CHID1: variants seen among roughly 807,000 people sequenced by gnomAD.
The protein encoded by CHID1 is chitinase domain containing 1, also known as chitinase domain-containing protein 1.
Under a neutral mutation model 55.4 loss-of-function variants are expected in CHID1, and 44 were observed. The ratio of observed to expected loss-of-function variants is 0.79; its 90% CI spans 0.62 to 1.02. CHID1 has a LOEUF of 1.02. Among genes scored for constraint, CHID1 ranks in the 50% least tolerant of loss-of-function variants. The pLI is 0.00. For missense variants in CHID1, 491 were observed against 515.3 expected (o/e 0.95, Z 0.46); for synonymous variants, 216 against 212.9 (o/e 1.01, Z -0.13).
Position 904,786 on chromosome 11 carries a change from C to G in CHID1, c.31G>C (p.Ala11Pro). The G allele has an allele frequency of 6.2e-7, 1 of 1,614,042 alleles. No homozygotes were observed. The highest frequency in any genetic ancestry group is 8.5e-7 in the Non-Finnish European group (1 of 1,180,026). ...GTGTGAACAGGGCTGCAGGCCAGGGCAAGCCAGAGGAGGTTGAAGAGTGTC... is the reference window on the plus strand; with the variant it reads ...GTGTGAACAGGGCTGCAGGCCAGGGGAAGCCAGAGGAGGTTGAAGAGTGTC... The part of the protein sequence containing the change: MRTLFNLLWL[A>P]LACSPVHTTL... Residue 11 changes from alanine to proline, a missense_variant, in exon 2 of 13, where the codon GCC becomes CCC. Physicochemically the swap from Ala to Pro is conservative, Grantham distance 27. Coordinates refer to ENST00000323578, the MANE Select transcript of CHID1 (RefSeq NM_023947.4).
At position 902,903 on chromosome 11, in the gene CHID1, C is replaced by T; in HGVS notation, c.261+59G>A. 4 of 1,550,256 alleles carry T rather than the reference C, an allele frequency of 2.6e-6. No individual in the cohort carries two copies. The South Asian group carries it at 3.4e-5, about 13-fold the overall frequency. On this transcript the variant is annotated intron_variant, in intron 3 of 12. Coordinates refer to ENST00000323578, the MANE Select transcript of CHID1 (RefSeq NM_023947.4). ...CTGGCCAGAAGAGGCCATCACGGGG[C>T]CAGGGCAGCCCACCTGAGCCTCAGG...
chr11:886,771 C>T (rs1241319207), intron 8 of CHID1, among the ~76,000 whole-genome samples: 1 of 152,182 alleles, frequency 6.6e-6, no homozygotes. Flanking sequence ...CCACACAGAG[C>T]CCCCCAGCTC....
At chr11:879,706 C>T (rs1488403113) in intron 10 of CHID1, among the ~76,000 whole-genome samples, 1 of 152,210 alleles carries the variant, frequency 6.6e-6, no homozygotes, top group Non-Finnish European at 1.5e-5. Context: ...CGACTCAAGG[C>T]CAACACCTGT....
rs554028415 is a variant in CHID1 at position 906,985 on chromosome 11, G to A, written c.-43-2126C>T. Among the ~76,000 whole-genome samples, 24 of 152,282 alleles carry A rather than the reference G, an allele frequency of 1.6e-4. 1 individual carries two copies. In the East Asian group the frequency reaches 1.9e-3, roughly 12 times the overall value. On this transcript the variant is annotated intron_variant, in intron 1 of 12. Transcript: ENST00000323578. ...AGAGGTTGCGGTAAGCCGAGATCGC[G>A]CAATTGCACTCCAGCCTAGGCAACA...
At chr11:899,216 T>C in intron 7 of CHID1, 124 bp downstream of exon 7, 1 of 925,974 alleles carries the variant, frequency 1.1e-6, no homozygotes, top group Non-Finnish European at 1.7e-6. Context: ...TGCAGCCCCG[T>C]CCCCACCCCA....
Position 893,465 on chromosome 11 carries a change from C to T in CHID1, c.663G>A (p.Leu221=). Residue 221 remains leucine, a synonymous_variant, in exon 8 of 13, where the codon CTG becomes CTA. Coordinates refer to ENST00000323578, the MANE Select transcript of CHID1 (RefSeq NM_023947.4). ...HLAEALHQAR[L]LALLVIPPAI... Reference sequence around the variant, plus strand: ...CAGGCGGGATGACCAGGAGGGCCAGCAGCCGGGCCTGGTGCAGAGCCTCGG... The same window carrying T: ...CAGGCGGGATGACCAGGAGGGCCAGTAGCCGGGCCTGGTGCAGAGCCTCGG... The T allele has an allele frequency of 6.4e-7, 1 of 1,551,966 alleles. No homozygotes were observed. The highest frequency in any genetic ancestry group is 8.7e-7 in the Non-Finnish European group (1 of 1,147,392).
At position 869,871 on chromosome 11, in the gene CHID1, T is replaced by C. The variant is rs765793433; in HGVS notation, c.1169A>G (p.Tyr390Cys). ...WELGQGLDYF[Y>C]DLL ...CGCAATGCCCACCTAGAGCAGGTCG[T>C]AGAAGTAGTCCAGGCCCTGGCCCAG... is the stretch of plus-strand genomic sequence containing the variant. The change falls in exon 13 of 13, where the codon TAC becomes TGC. Residue 390 changes from tyrosine to cysteine, a missense_variant. Coordinates refer to ENST00000323578, the MANE Select transcript of CHID1 (RefSeq NM_023947.4). 1.9e-6 allele frequency: 3 copies of C among 1,612,850 alleles called. No homozygotes were observed. The highest frequency in any genetic ancestry group is 1.7e-6 in the Non-Finnish European group (2 of 1,179,852).
At chr11:886,071 A>C (rs930041740) in intron 8 of CHID1, among the ~76,000 whole-genome samples, 7 of 147,742 alleles carry the variant, frequency 4.7e-5, no homozygotes, top group Admixed American at 2.0e-4. Context: ...ATGGCGTGTG[A>C]AACCGGGAAG....
intron 7 of CHID1, among the ~76,000 whole-genome samples, chr11:895,610 G>A (rs1483122033): frequency 6.6e-6 from 1 of 152,152 alleles, no homozygotes; most frequent in African/African-American, 2.4e-5. Flanking sequence ...AGCTCAGGAG[G>A]GACCAGAGGC....
chr11:885,730 A>C (rs1436889359), intron 8 of CHID1, among the ~76,000 whole-genome samples: 2 of 151,954 alleles, frequency 1.3e-5, no homozygotes, highest in Non-Finnish European at 2.9e-5. Flanking sequence ...ACCCAAGATC[A>C]TTTCTTTTTT....
At position 871,125 on chromosome 11, in the gene CHID1, G is replaced by A. The variant is rs144062796; in HGVS notation, c.960-626C>T. On this transcript the variant is annotated intron_variant, in intron 10 of 12. Coordinates refer to ENST00000323578, the MANE Select transcript of CHID1 (RefSeq NM_023947.4). ...TCTGCCTCAGCCTCCTGAGTAGCTGGGACTACAAGCACACATCACCATGCC... is the reference window on the plus strand; with the variant it reads ...TCTGCCTCAGCCTCCTGAGTAGCTGAGACTACAAGCACACATCACCATGCC... Among the ~76,000 whole-genome samples the A allele has an allele frequency of 1.2e-4, 18 of 152,078 alleles. No individual in the cohort carries two copies. The East Asian group carries it at 2.7e-3, about 23-fold the overall frequency.
At chr11:900,773 G>A (rs530787148) in intron 5 of CHID1, among the ~76,000 whole-genome samples, 163 bp downstream of exon 5, 2 of 152,338 alleles carry the variant, frequency 1.3e-5, no homozygotes, top group African/African-American at 4.8e-5. Flanking sequence ...ACTAAGGGCT[G>A]TGAATGCCAG....
intron 10 of CHID1, among the ~76,000 whole-genome samples, chr11:880,442 G>T (rs1849828587): frequency 6.6e-6 from 1 of 152,188 alleles, no homozygotes; most frequent in African/African-American, 2.4e-5. Flanking sequence ...CGTGTGGACA[G>T]AGAGGAGTGT....
At chr11:908,630 T>C in intron 1 of CHID1, 2 of 985,286 alleles carry the variant, frequency 2.0e-6, no homozygotes, top group Non-Finnish European at 2.4e-6. Flanking sequence ...TCCTTCTCTG[T>C]CTTCTGGGTG....
Position 869,840 on chromosome 11 carries a change from G to T in CHID1, c.*18C>A. 2 of 1,606,244 alleles carry T rather than the reference G, an allele frequency of 1.2e-6. No homozygotes were observed. Among genetic ancestry groups the T allele is most frequent in the Non-Finnish European group, 1.7e-6 (2 of 1,173,712 alleles). ...GCTTAGAAAAGAACACGTCCACCGC[G>T]GAGGCCGCAATGCCCACCTAGAGCA... On this transcript the variant is annotated 3_prime_UTR_variant, in exon 13 of 13. Coordinates refer to ENST00000323578, the MANE Select transcript of CHID1 (RefSeq NM_023947.4).
intron 8 of CHID1, among the ~76,000 whole-genome samples, chr11:886,673 C>A (rs546265138): frequency 6.6e-6 from 1 of 152,358 alleles, no homozygotes; most frequent in East Asian, 1.9e-4. Flanking sequence ...AAGGTGCCGA[C>A]TGCACCAGGA....
At chr11:893,953 C>T (rs2134251794) in intron 7 of CHID1, among the ~76,000 whole-genome samples, 1 of 152,084 alleles carries the variant, frequency 6.6e-6, no homozygotes, top group Non-Finnish European at 1.5e-5. Flanking sequence ...GAAACCCCGC[C>T]TCTACTAAAA....
chr11:902,930 C>A (rs1851928510), intron 3 of CHID1, 32 bp downstream of exon 3: 1 of 1,600,194 alleles, frequency 6.2e-7, no homozygotes, highest in Admixed American at 1.7e-5. Context: ...AGCCTCAGGA[C>A]CTCCCTCTGC....
At chr11:890,946 A>C (rs1452309704) in intron 8 of CHID1, among the ~76,000 whole-genome samples, 1 of 152,132 alleles carries the variant, frequency 6.6e-6, no homozygotes, top group Non-Finnish European at 1.5e-5. Flanking sequence ...TTCCACAGAC[A>C]GTGCCCCTGG....
Sources: gnomAD v4.1 joint callset for allele counts (sites outside exome capture counted in the v4.1 genomes callset) on GRCh38, gnomAD v4.1.1 for gene constraint, MANE v1.5 for transcripts, NCBI Gene and HGNC (gene_info 2026-07-23, HGNC 2026-07-21) for gene names.